PDIA6: variants seen among roughly 807,000 people sequenced by gnomAD.
The protein encoded by PDIA6 is protein disulfide isomerase family A member 6.
PDIA6 carries 29 observed loss-of-function variants against 58.4 expected under a neutral mutation model. That is an observed-to-expected ratio of 0.50 (90% confidence interval 0.37 to 0.68). PDIA6 has a LOEUF of 0.68. PDIA6 is among the 30% of genes least tolerant of loss of function. PDIA6 has a pLI of 0.00. For missense variants in PDIA6, 480 were observed against 551.0 expected (o/e 0.87, Z 1.29); for synonymous variants, 192 against 202.6 (o/e 0.95, Z 0.44).
At chr2:10,834,719 C>CT (rs1308164761), upstream of PDIA6, among the ~76,000 whole-genome samples, 313 of 45,186 alleles carry the variant, frequency 6.9e-3, 11 homozygotes, top group African/African-American at 0.025. Context: ...CCCTCCCTCC[C>CT]TCCCTTCCTT....
chr2:10,812,610 G>A, intron 1 of PDIA6, 68 bp downstream of exon 1: 2 of 1,453,682 alleles, frequency 1.4e-6, no homozygotes, highest in Admixed American at 2.3e-5. Flanking sequence ...CCGGGGAACG[G>A]CCTAGAGATT....
At chr2:10,789,139 G>C (rs1665917035) in intron 8 of PDIA6, among the ~76,000 whole-genome samples, 158 bp from the exon 9 acceptor site, 2 of 152,228 alleles carry the variant, frequency 1.3e-5, no homozygotes, top group Non-Finnish European at 2.9e-5. Flanking sequence ...TGTTCTCTAA[G>C]AGGAGATTTT....
chr2:10,791,799 T>G lies in PDIA6; in HGVS notation c.580A>C (p.Lys194Gln), dbSNP rs542976014. The G allele has an allele frequency of 1.2e-6, 2 of 1,612,654 alleles. No individual in the cohort carries two copies. The highest frequency in any genetic ancestry group is 2.2e-5 in the East Asian group (1 of 44,868). ...TACTTAGTAGAAGGCACTTACTTTT[T>G]GCAGTGTCCACACCAAGGAGCATAG... The part of the protein sequence containing the change: ...EFYAPWCGHC[K>Q]NLEPEWAAAA... Residue 194 changes from lysine (K) to glutamine (Q), a missense_variant, in exon 6 of 13, where the codon AAA becomes CAA. Physicochemically the swap from Lys to Gln is moderately conservative, Grantham distance 53 (BLOSUM62 1). Transcript: ENST00000272227.
intron 5 of PDIA6, 61 bp from the exon 6 acceptor site, chr2:10,791,986 AAAT>A (rs1450397880): frequency 1.2e-5 from 18 of 1,528,754 alleles, no homozygotes; most frequent in Admixed American, 7.3e-5. Flanking sequence ...TTCCTGTTTT[AAAT>A]AATAACACTA....
chr2:10,806,067 G>A (rs952348281), intron 1 of PDIA6, among the ~76,000 whole-genome samples: 1 of 147,654 alleles, frequency 6.8e-6, no homozygotes, highest in Non-Finnish European at 1.5e-5. Flanking sequence ...TACAGAATAC[G>A]GATATAAAAG....
chr2:10,799,851 G>A (rs1437676396), intron 2 of PDIA6, among the ~76,000 whole-genome samples: 1 of 151,310 alleles, frequency 6.6e-6, no homozygotes. Flanking sequence ...CTGCAACTGG[G>A]GTCCAGACTC....
chr2:10,788,141 A>G (rs1050095106), intron 10 of PDIA6, among the ~76,000 whole-genome samples: 8 of 151,988 alleles, frequency 5.3e-5, no homozygotes, highest in African/African-American at 1.9e-4. Context: ...TCCTTAACTC[A>G]GAAGAGGAGA....
At chr2:10,799,127 C>T (rs185254468) in intron 2 of PDIA6, among the ~76,000 whole-genome samples, 4 of 152,288 alleles carry the variant, frequency 2.6e-5, no homozygotes, top group Middle Eastern at 3.4e-3. Flanking sequence ...CACAGAAAAG[C>T]GCTTTTAAAA....
At chr2:10,803,859 C>G (rs1572677795) in intron 1 of PDIA6, among the ~76,000 whole-genome samples, 1 of 151,350 alleles carries the variant, frequency 6.6e-6, no homozygotes, top group African/African-American at 2.4e-5. Context: ...CTTGATAACT[C>G]TGACCCTGAG....
chr2:10,837,389 A>G, upstream of PDIA6: 1 of 605,876 alleles, frequency 1.7e-6, no homozygotes, highest in Non-Finnish European at 2.9e-6. Context: ...TCAATATGAC[A>G]AGATTAAAAA....
chr2:10,832,465 T>C, exon 1 of PDIA6: 1 of 985,204 alleles, frequency 1.0e-6, no homozygotes, highest in Non-Finnish European at 1.2e-6. Context: ...AGACCTAACC[T>C]TGCAGCGGGC....
intron 1 of PDIA6, among the ~76,000 whole-genome samples, chr2:10,804,347 T>C (rs1342927738): frequency 2.1e-5 from 3 of 143,278 alleles, no homozygotes; most frequent in Non-Finnish European, 3.1e-5. Context: ...TTGATTTTTG[T>C]ATAAGGTGTA....
Position 10,784,936 on chromosome 2 carries a change from C to T in PDIA6, c.1252G>A (p.Glu418Lys), listed in dbSNP as rs1191444545. The T allele has an allele frequency of 1.1e-5, 17 of 1,578,290 alleles. No individual in the cohort carries two copies. The highest frequency in any genetic ancestry group is 1.7e-4 in the Middle Eastern group (1 of 6,018). ...CAGCTTCCCTCCCGGGCACTCACCT[C>T]GCCATCCCTGCCGTCCCAAGGCTCT... is the stretch of plus-strand genomic sequence containing the variant. ...EREPWDGRDG[E>K]LPVEDDIDLS... The change falls in exon 12 of 13, where the codon GAG becomes AAG. Residue 418 changes from glutamate to lysine, a missense_variant and splice_region_variant. Physicochemically the swap from Glu to Lys is moderately conservative, Grantham distance 56. Transcript: ENST00000272227.
At chr2:10,812,889 C>A, upstream of PDIA6, 1 of 1,136,602 alleles carries the variant, frequency 8.8e-7, no homozygotes, top group South Asian at 4.4e-5. Context: ...GGACATCGCT[C>A]ACTCACATAT....
exon 1 of PDIA6, chr2:10,837,700 G>A: frequency 6.7e-7 from 1 of 1,501,646 alleles, no homozygotes; most frequent in African/African-American, 1.4e-5. Flanking sequence ...TGGGCAGCCT[G>A]GTGTGCAAGT....
At chr2:10,822,421 C>A (rs1336693937) in intron 1 of PDIA6, among the ~76,000 whole-genome samples, 1 of 152,064 alleles carries the variant, frequency 6.6e-6, no homozygotes, top group Non-Finnish European at 1.5e-5. Flanking sequence ...CGCCACGATG[C>A]CTGGCTAATT....
Position 10,806,628 on chromosome 2 carries a change from C to CAAAGAAAGAAAA in PDIA6, c.20-3989_20-3988insTTTTCTTTCTTT, listed in dbSNP as rs142782761. Among the ~76,000 whole-genome samples the CAAAGAAAGAAAA allele has an allele frequency of 1.1e-4, 8 of 70,422 alleles. No homozygotes were observed. The East Asian group carries it at 2.7e-3, about 24-fold the overall frequency. 46.2% of individuals were successfully genotyped at this position (70,422 alleles called of 152,430 possible). ...AACCACATCTCCTAAAAAATAAAGA[C>CAAAGAAAGAAAA]AGAAAGAAAGAAAGAAAGAAAAACG... On this transcript the variant is annotated intron_variant, in intron 1 of 12. Transcript: ENST00000272227.
Position 10,784,946 on chromosome 2 carries a change from G to A in PDIA6, c.1242C>T (p.Gly414=). Residue 414 remains glycine (G), a synonymous_variant, in exon 12 of 13, where the codon GGC becomes GGT. Coordinates refer to ENST00000272227, the MANE Select transcript of PDIA6 (RefSeq NM_005742.4). The part of the protein sequence containing the change: ...PTIVEREPWD[G]RDGELPVEDD... The stretch of plus-strand genomic sequence containing the variant: ...CCCGGGCACTCACCTCGCCATCCCT[G>A]CCGTCCCAAGGCTCTCTCTCAACGA... 1.3e-6 allele frequency: 2 copies of A among 1,584,876 alleles called. No homozygotes were observed. Among genetic ancestry groups the A allele is most frequent in the Admixed American group, 1.8e-5 (1 of 56,694 alleles).
At chr2:10,809,668 A>AAAAAAAAAAAAAAAAAAAAAAAAAAAAC (rs1558454605) in intron 1 of PDIA6, among the ~76,000 whole-genome samples, 2 of 130,210 alleles carry the variant, frequency 1.5e-5, no homozygotes, top group Non-Finnish European at 1.7e-5. Flanking sequence ...AAAAAAAAAA[A>AAAAAAAAAAAAAAAAAAAAAAAAAAAAC]AAAACCCAAA....
Sources: allele counts gnomAD v4.1 joint callset (sites outside exome capture counted in the v4.1 genomes callset), GRCh38; gene constraint gnomAD v4.1.1; transcripts MANE v1.5; gene names NCBI Gene and HGNC (gene_info 2026-07-23, HGNC 2026-07-21).